EPHB2: variants seen among roughly 807,000 people sequenced by gnomAD.
The protein encoded by EPHB2 is EPH receptor B2.
Under a neutral mutation model 96.4 loss-of-function variants are expected in EPHB2, and 18 were observed. The observed-to-expected ratio is 0.19, with a 90% CI of 0.13 to 0.28. The LOEUF (loss-of-function observed/expected upper bound fraction) is 0.28. Ranked by LOEUF, EPHB2 falls within the 10% of genes least tolerant of loss-of-function variation. The pLI is 1.00. For synonymous variants in EPHB2, 506 were observed against 534.1 expected (o/e 0.95, Z 0.72); for missense variants, 989 against 1,355.4 (o/e 0.73, Z 4.25).
chr1:22,759,535 G>A (rs1644205680), intron 1 of EPHB2, among the ~76,000 whole-genome samples: 1 of 152,242 alleles, frequency 6.6e-6, no homozygotes, highest in Non-Finnish European at 1.5e-5. Flanking sequence ...CCCTCAGGGA[G>A]GCTCTGATGA....
intron 3 of EPHB2, among the ~76,000 whole-genome samples, chr1:22,847,487 C>G (rs1349270188): frequency 2.0e-5 from 3 of 152,092 alleles, no homozygotes; most frequent in African/African-American, 7.2e-5. Flanking sequence ...AGGAAGGGCT[C>G]AAGACCTAGG....
At chr1:22,764,939 A>G (rs1644286836) in intron 1 of EPHB2, among the ~76,000 whole-genome samples, 1 of 152,154 alleles carries the variant, frequency 6.6e-6, no homozygotes, top group African/African-American at 2.4e-5. Context: ...GGTTCCTCCA[A>G]GCAGGGGCTG....
intron 9 of EPHB2, 36 bp downstream of exon 9, chr1:22,896,514 C>T (rs1293813758): frequency 3.7e-6 from 6 of 1,613,070 alleles, no homozygotes; most frequent in Non-Finnish European, 5.1e-6. Flanking sequence ...AACCCTTGGG[C>T]CCTTCACTGT....
chr1:22,912,668 G>T, intron 15 of EPHB2, 69 bp downstream of exon 15: 1 of 1,602,486 alleles, frequency 6.2e-7, no homozygotes, highest in East Asian at 2.2e-5. Context: ...AGCCAAGTGG[G>T]GTGATCTGGA....
intron 6 of EPHB2, among the ~76,000 whole-genome samples, chr1:22,890,478 C>T (rs932587665): frequency 3.2e-4 from 49 of 152,108 alleles, no homozygotes; most frequent in African/African-American, 1.1e-3. Flanking sequence ...CAAGCTTTTT[C>T]TCCTCTCCTT....
At chr1:22,714,198 A>G (rs1643234925) in intron 1 of EPHB2, among the ~76,000 whole-genome samples, 2 of 152,198 alleles carry the variant, frequency 1.3e-5, no homozygotes, top group African/African-American at 4.8e-5. Context: ...TACGGGGTCC[A>G]ACGTACTTCC....
At chr1:22,788,234 A>G (rs1644639230) in intron 3 of EPHB2, among the ~76,000 whole-genome samples, 1 of 152,224 alleles carries the variant, frequency 6.6e-6, no homozygotes, top group African/African-American at 2.4e-5. Flanking sequence ...TACTCCTTGC[A>G]GATGGTGAGG....
Position 22,914,865 on chromosome 1 carries a change from G to A in EPHB2, c.*1295G>A, listed in dbSNP as rs900250648. 2.6e-5 allele frequency: 4 copies of A among 152,622 alleles called. No homozygotes were observed. Among genetic ancestry groups the A allele is most frequent in the Non-Finnish European group, 5.9e-5 (4 of 68,048 alleles). 9.5% of individuals were successfully genotyped at this position (152,622 alleles called of 1,614,324 possible). A position where few individuals can be genotyped will look rare whatever the true frequency, so the allele number is the denominator to read the frequency against. On this transcript the variant is annotated 3_prime_UTR_variant, in exon 16 of 16. Coordinates refer to ENST00000374630, the MANE Select transcript of EPHB2 (RefSeq NM_017449.5). Reference sequence around the variant, plus strand: ...CCACTCCAGGACTGTTGATGAAAGGGACAGATTGAGGAGGAAGTGGGCTCT... The same window carrying A: ...CCACTCCAGGACTGTTGATGAAAGGAACAGATTGAGGAGGAAGTGGGCTCT...
Position 22,875,474 on chromosome 1 carries a change from C to A in EPHB2, c.1304-6885C>A, listed in dbSNP as rs1315726217. Among the ~76,000 whole-genome samples, 2 of 152,208 alleles carry A rather than the reference C, an allele frequency of 1.3e-5. No homozygotes were observed. Among genetic ancestry groups the A allele is most frequent in the Admixed American group, 1.3e-4 (2 of 15,280 alleles). On this transcript the variant is annotated intron_variant, in intron 5 of 15. Transcript: ENST00000374630. The surrounding 1 kb of genome is among the most constrained non-coding windows in gnomAD (Gnocchi z 4.2). ...CAGGGCCTGGGGGAGAGGGAAACTG[C>A]CTTCCGCTGGCTGCTTGGGAAGTAC...
At chr1:22,746,117 T>C (rs1643970925) in intron 1 of EPHB2, among the ~76,000 whole-genome samples, 1 of 152,012 alleles carries the variant, frequency 6.6e-6, no homozygotes, top group Admixed American at 6.6e-5. Context: ...AGGAGGTGAG[T>C]GCAGCCGTGG....
At chr1:22,799,421 A>C (rs149493832) in intron 3 of EPHB2, among the ~76,000 whole-genome samples, 62 of 152,256 alleles carry the variant, frequency 4.1e-4, no homozygotes, top group African/African-American at 1.4e-3. Context: ...TGGACAGGTG[A>C]CTCACCTACC....
At chr1:22,859,068 G>C (rs1363271950) in intron 3 of EPHB2, among the ~76,000 whole-genome samples, 1 of 151,952 alleles carries the variant, frequency 6.6e-6, no homozygotes, top group Non-Finnish European at 1.5e-5. Context: ...AACCTGGGAG[G>C]CAGAGGTTGC....
At chr1:22,803,711 A>G (rs12730142) in intron 3 of EPHB2, among the ~76,000 whole-genome samples, 1 of 147,670 alleles carries the variant, frequency 6.8e-6, no homozygotes, top group Non-Finnish European at 1.5e-5. Context: ...ATATATGTAT[A>G]TGTGTATATA....
intron 6 of EPHB2, among the ~76,000 whole-genome samples, chr1:22,889,218 A>G (rs1639317712): frequency 6.6e-6 from 1 of 152,180 alleles, no homozygotes; most frequent in South Asian, 2.1e-4. Context: ...TCCCTTGCCC[A>G]GCTTTAATGA....
At position 22,784,929 on chromosome 1, in the gene EPHB2, G is replaced by A. The variant is rs2148425177; in HGVS notation, c.664G>A (p.Ala222Thr). ...SGAESTSLVAARGSCIANAEE... is the reference protein window; with the variant it reads ...SGAESTSLVATRGSCIANAEE... ...GGCTGAGAGCACATCGCTGGTGGCT[G>A]CCCGGGGCAGCTGCATCGCCAATGC... is the stretch of plus-strand genomic sequence containing the variant. Residue 222 changes from alanine (A) to threonine (T), a missense_variant, in exon 3 of 16, where the codon GCC becomes ACC. Physicochemically the swap from Ala to Thr is moderately conservative, Grantham distance 58. Coordinates refer to ENST00000374630, the MANE Select transcript of EPHB2 (RefSeq NM_017449.5). This position sits in a 1 kb window ranked among gnomAD's most constrained non-coding sequence, Gnocchi z 5.1. The A allele has an allele frequency of 6.2e-7, 1 of 1,613,924 alleles. No homozygotes were observed. Among genetic ancestry groups the A allele is most frequent in the Non-Finnish European group, 8.5e-7 (1 of 1,180,050 alleles).
rs180970345 is a variant in EPHB2, at chr1:22,714,772, C to T, written c.61+3729C>T. On this transcript the variant is annotated intron_variant, in intron 1 of 15. Coordinates refer to ENST00000374630, the MANE Select transcript of EPHB2 (RefSeq NM_017449.5). ...GCCAGCTTGTCGGTTCCCGGCTAGA[C>T]TGTGAGCTCCCTGAAGACAGAGACC... is the stretch of plus-strand genomic sequence containing the variant. 1.4e-3 allele frequency among the ~76,000 whole-genome samples: 215 copies of T among 152,332 alleles called. 2 individuals are homozygous for T. Among genetic ancestry groups the T allele is most frequent in the Middle Eastern group, 3.4e-3 (1 of 294 alleles).
At chr1:22,853,210 G>A (rs1328678809) in intron 3 of EPHB2, among the ~76,000 whole-genome samples, 7 of 152,220 alleles carry the variant, frequency 4.6e-5, no homozygotes, top group Admixed American at 3.3e-4. Context: ...AAAATTAGCC[G>A]GGTGTGGTGG....
At chr1:22,907,878 C>G (rs1471547989) in intron 11 of EPHB2, 75 bp from the exon 12 acceptor site, 1 of 1,567,438 alleles carries the variant, frequency 6.4e-7, no homozygotes, top group Admixed American at 1.7e-5. Context: ...GCTCTGGTTT[C>G]CCATTATGAG....
chr1:22,895,134 A>C (rs533474938), intron 7 of EPHB2, among the ~76,000 whole-genome samples: 1 of 152,360 alleles, frequency 6.6e-6, no homozygotes, highest in South Asian at 2.1e-4. Flanking sequence ...TCGGGAGTCA[A>C]ACCCGGAGAG....
Sources: allele counts gnomAD v4.1 joint callset (sites outside exome capture counted in the v4.1 genomes callset), GRCh38; gene constraint gnomAD v4.1.1; non-coding constraint Gnocchi (gnomAD v3.1); transcripts MANE v1.5; gene names NCBI Gene and HGNC (gene_info 2026-07-23, HGNC 2026-07-21).